RAD51C: variants seen among roughly 807,000 people sequenced by gnomAD.
The protein encoded by RAD51C is RAD51 paralog C, also known as DNA repair protein RAD51 homolog 3.
Under a neutral mutation model 45.0 loss-of-function variants are expected in RAD51C, and 42 were observed. The ratio of observed to expected loss-of-function variants is 0.93; its 90% CI spans 0.73 to 1.21. RAD51C has a LOEUF of 1.21. Among genes scored for constraint, RAD51C ranks in the 50% most tolerant of loss-of-function variants. The pLI is 0.00. For synonymous variants in RAD51C, 172 were observed against 159.8 expected, an observed-to-expected ratio of 1.08 and a Z score of -0.58; for missense variants, 474 against 452.2, an observed-to-expected ratio of 1.05 and a Z score of -0.44.
chr17:58,726,649 C>T (rs942176536), intron 7 of RAD51C, among the ~76,000 whole-genome samples: 5 of 149,290 alleles, frequency 3.3e-5, no homozygotes, highest in Non-Finnish European at 7.4e-5. Flanking sequence ...TATACGTATA[C>T]GTATAGATGT....
chr17:58,709,298 T>C (rs1453223223), intron 4 of RAD51C, among the ~76,000 whole-genome samples: 1 of 149,976 alleles, frequency 6.7e-6, no homozygotes, highest in Non-Finnish European at 1.5e-5. Flanking sequence ...AGGCTGGTCT[T>C]GAACTCCTGA....
At chr17:58,699,916 C>G in intron 3 of RAD51C, 1 of 152,102 alleles carries the variant, frequency 6.6e-6, no homozygotes, top group East Asian at 1.9e-4. Flanking sequence ...GTGGCGCAAT[C>G]TTGGCTTACT....
rs566237148 is a variant in RAD51C at position 58,699,376 on chromosome 17, T to A, written c.571+2517T>A. 1.4e-3 allele frequency among the ~76,000 whole-genome samples: 218 copies of A among 151,960 alleles called. 1 individual carries two copies. Among genetic ancestry groups the A allele is most frequent in the Non-Finnish European group, 2.7e-3 (186 of 67,954 alleles). On this transcript the variant is annotated intron_variant, in intron 3 of 8. Transcript: ENST00000337432. ...TCTTTATTCTTTCCAATAAAAGTTTTAAAAAAAATGCTTTTCATAAGATTT... is the reference window on the plus strand; with the variant it reads ...TCTTTATTCTTTCCAATAAAAGTTTAAAAAAAAATGCTTTTCATAAGATTT...
intron 5 of RAD51C, among the ~76,000 whole-genome samples, chr17:58,714,231 C>G (rs539037357): frequency 6.6e-5 from 10 of 152,210 alleles, no homozygotes; most frequent in African/African-American, 2.2e-4. Context: ...GTGATCGACC[C>G]TCCTCGGCCT....
intron 5 of RAD51C, among the ~76,000 whole-genome samples, chr17:58,713,051 G>A (rs1420315680): frequency 6.6e-6 from 1 of 151,936 alleles, no homozygotes; most frequent in East Asian, 1.9e-4. Context: ...GCTTGAGGCT[G>A]GGAGGCAAAG....
At chr17:58,702,613 A>G (rs571029644) in intron 3 of RAD51C, among the ~76,000 whole-genome samples, 13 of 151,566 alleles carry the variant, frequency 8.6e-5, no homozygotes, top group African/African-American at 3.1e-4. Context: ...CAGTCGCTTG[A>G]GCCCAGGAGG....
In RAD51C at chr17:58,734,346, A is replaced by C; in HGVS notation, c.*124A>C. 6.8e-7 allele frequency: 1 copy of C among 1,479,666 alleles called. No individual in the cohort carries two copies. The allele number at this position is 1,479,666 out of a possible 1,614,324, so 91.7% of individuals were successfully genotyped here. ...GCATGAATGAATCCAGATCATATGA[A>C]GTGAATGGGAAAAATACCTAAATAT... On this transcript the variant is annotated 3_prime_UTR_variant, in exon 9 of 9. Coordinates refer to ENST00000337432, the MANE Select transcript of RAD51C (RefSeq NM_058216.3).
chr17:58,732,794 A>G (rs2049485805), intron 8 of RAD51C: 2 of 414,034 alleles, frequency 4.8e-6, no homozygotes, highest in Non-Finnish European at 4.4e-6. Flanking sequence ...GCCATATGTA[A>G]TGTCAGGATA....
rs2143678775 is a variant in RAD51C at position 58,692,748 on chromosome 17, T to C, written c.105T>C (p.Ala35=). ...TGGTGTCTGCGGGGTTCCAGACTGC[T>C]GAGGAACTCCTAGAGGTGAAACCCT... The part of the protein sequence containing the change: ...VKLVSAGFQT[A]EELLEVKPSE... The change falls in exon 1 of 9, where the codon GCT becomes GCC. Residue 35 remains alanine (A), a synonymous_variant. Transcript: ENST00000337432. The C allele has an allele frequency of 1.2e-6, 2 of 1,614,238 alleles. No homozygotes were observed. Among genetic ancestry groups the C allele is most frequent in the Non-Finnish European group, 1.7e-6 (2 of 1,180,034 alleles).
chr17:58,695,040 T>C lies in RAD51C; in HGVS notation c.255T>C (p.Cys85=), dbSNP rs1318657498. The C allele has an allele frequency of 6.2e-7, 1 of 1,614,012 alleles. No homozygotes were observed. Among genetic ancestry groups the C allele is most frequent in the Non-Finnish European group, 8.5e-7 (1 of 1,179,932 alleles). The change falls in exon 2 of 9, where the codon TGT becomes TGC. Residue 85 remains cysteine (C), a synonymous_variant. Coordinates refer to ENST00000337432, the MANE Select transcript of RAD51C (RefSeq NM_058216.3). ...GTACATCTGAGTCACACAAGAAGTG[T>C]ACAGCACTGGAACTTCTTGAGCAGG... ...YAGTSESHKK[C]TALELLEQEH...
At chr17:58,693,945 T>A (rs2047898171) in intron 1 of RAD51C, 2 of 152,344 alleles carry the variant, frequency 1.3e-5, no homozygotes, top group South Asian at 4.1e-4. Flanking sequence ...CATATTCTTA[T>A]CAGATCAAGC....
At chr17:58,734,013 G>C (rs2049554240) in intron 8 of RAD51C, 105 bp from the exon 9 acceptor site, 1 of 1,509,312 alleles carries the variant, frequency 6.6e-7, no homozygotes. Context: ...ACTGCGCCTG[G>C]CCCTAGAATA....
Position 58,703,311 on chromosome 17 carries a change from C to G in RAD51C, c.687C>G (p.Phe229Leu), listed in dbSNP as rs780177888. The change falls in exon 4 of 9, where the codon TTC (phenylalanine) becomes TTG (leucine). Residue 229 changes from phenylalanine (F) to leucine (L), a missense_variant. By Grantham distance (22) the Phe-to-Leu change is conservative (BLOSUM62 0). Transcript: ENST00000337432. ...CACAAGTTTATCTTCTTCCAGATTT[C>G]CTTTCAGAACACTCAAAGGTATGAG... ...LLAQVYLLPD[F>L]LSEHSKVRLV... The G allele has an allele frequency of 3.0e-5, 49 of 1,611,950 alleles. No individual in the cohort carries two copies. The highest frequency in any genetic ancestry group is 4.1e-5 in the Non-Finnish European group (48 of 1,178,472).
intron 5 of RAD51C, among the ~76,000 whole-genome samples, chr17:58,711,689 C>T (rs1008793664): frequency 4.6e-5 from 7 of 151,352 alleles, no homozygotes; most frequent in African/African-American, 9.7e-5. Context: ...GGTCAGAAGG[C>T]GGAGGTTGGG....
intron 7 of RAD51C, 54 bp downstream of exon 7, chr17:58,724,154 G>GA: frequency 1.3e-6 from 2 of 1,515,716 alleles, no homozygotes; most frequent in Non-Finnish European, 1.8e-6. Flanking sequence ...TATACTGAAT[G>GA]AACACTTACA....
At chr17:58,729,725 C>T (rs140404131) in intron 7 of RAD51C, among the ~76,000 whole-genome samples, 162 of 152,072 alleles carry the variant, frequency 1.1e-3, no homozygotes, top group African/African-American at 3.8e-3. Flanking sequence ...GCATGCGCCA[C>T]CACACTTGGC....
intron 4 of RAD51C, among the ~76,000 whole-genome samples, chr17:58,705,376 C>G (rs1026776710): frequency 6.6e-6 from 1 of 151,578 alleles, no homozygotes; most frequent in Non-Finnish European, 1.5e-5. Flanking sequence ...TTTTGTCACC[C>G]AGGCTGGAGT....
chr17:58,692,930 C>T (rs2047833570), intron 1 of RAD51C, 142 bp downstream of exon 1: 1 of 1,219,218 alleles, frequency 8.2e-7, no homozygotes, highest in Non-Finnish European at 1.2e-6. Flanking sequence ...TGAAAGAGCT[C>T]CTCGACTCCA....
Position 58,695,286 on chromosome 17 carries a change from G to A in RAD51C, c.404+97G>A, listed in dbSNP as rs918994004. ...TCAGGAAACCAAATAAGATATATAT[G>A]TGCTCTTAATTTTAAGTGTGTATGT... On this transcript the variant is annotated intron_variant, in intron 2 of 8. Transcript: ENST00000337432. 3.4e-6 allele frequency: 5 copies of A among 1,474,280 alleles called. No homozygotes were observed. In the African/African-American group the frequency reaches 7.1e-5, roughly 21 times the overall value. The allele number at this position is 1,474,280 out of a possible 1,614,324, so 91.3% of individuals were successfully genotyped here. A position where few individuals can be genotyped will look rare whatever the true frequency, so the allele number is the denominator to read the frequency against.
Sources: allele counts gnomAD v4.1 joint callset (sites outside exome capture counted in the v4.1 genomes callset), GRCh38; gene constraint gnomAD v4.1.1; transcripts MANE v1.5; gene names NCBI Gene and HGNC (gene_info 2026-07-23, HGNC 2026-07-21).